The following GPHN variants were observed in gnomAD, a reference collection of about 807,000 sequenced individuals.
GPHN encodes gephyrin.
A neutral mutation model predicts 95.5 loss-of-function variants in GPHN; 17 were observed. The ratio of observed to expected loss-of-function variants is 0.18; its 90% CI spans 0.12 to 0.27. GPHN has a LOEUF of 0.27. Ranked by LOEUF, GPHN falls within the 10% of genes least tolerant of loss-of-function variation. The pLI is 1.00. For missense variants in GPHN, 660 were observed against 978.1 expected, an observed-to-expected ratio of 0.67 and a Z score of 4.34; for synonymous variants, 320 against 322.5, an observed-to-expected ratio of 0.99 and a Z score of 0.08.
the GPHN span, chr14:67,303,481 T>C: frequency 6.8e-7 from 1 of 1,474,048 alleles, no homozygotes; most frequent in Admixed American, 1.7e-5. Flanking sequence ...ATGATTTTCA[T>C]AAATGCAAAT....
chr14:66,951,604 C>G (rs999408235), intron 8 of GPHN, among the ~76,000 whole-genome samples: 1 of 149,868 alleles, frequency 6.7e-6, no homozygotes, highest in African/African-American at 2.4e-5. Flanking sequence ...AAAAAAACAA[C>G]CAAAATAGTG....
At chr14:67,667,011 T>C in the GPHN span, among the ~76,000 whole-genome samples, 2 of 152,080 alleles carry the variant, frequency 1.3e-5, no homozygotes, top group Admixed American at 6.6e-5. Context: ...ATGGGCACCA[T>C]GAACAAGAAT....
At chr14:67,484,736 C>T in the GPHN span, among the ~76,000 whole-genome samples, 2 of 151,662 alleles carry the variant, frequency 1.3e-5, no homozygotes, top group African/African-American at 4.8e-5. Flanking sequence ...CCAGCCTGGG[C>T]AACATAGTGA....
At position 67,070,715 on chromosome 14, in the gene GPHN, A is replaced by AATATATATATATAT. The variant is rs1555482658; in HGVS notation, c.1144+11930_1144+11943dup. The stretch of plus-strand genomic sequence containing the variant: ...ATCTCAAAAAAAAAAAAAAAAAAAA[A>AATATATATATATAT]ATATATATATATATCCAATCAGCAT... On this transcript the variant is annotated intron_variant, in intron 11 of 22. Transcript: ENST00000478722. Among the ~76,000 whole-genome samples the AATATATATATATAT allele has an allele frequency of 3.6e-3, 291 of 80,334 alleles. 2 individuals carry two copies. The highest frequency in any genetic ancestry group is 0.014 in the African/African-American group (109 of 7,832). The allele number at this position is 80,334 out of a possible 152,430, so 52.7% of individuals were successfully genotyped here.
chr14:67,457,655 T>C, the GPHN span, among the ~76,000 whole-genome samples: 1 of 152,192 alleles, frequency 6.6e-6, no homozygotes, highest in Admixed American at 6.5e-5. Flanking sequence ...CCACAGACTT[T>C]GGAAAGCAGC....
chr14:67,692,641 T>C, the GPHN span: 2 of 1,509,982 alleles, frequency 1.3e-6, no homozygotes, highest in East Asian at 2.3e-5. Flanking sequence ...GTTTTTGAGC[T>C]GGCATTATAA....
At chr14:66,774,661 A>G (rs2059316686) in intron 2 of GPHN, among the ~76,000 whole-genome samples, 1 of 152,172 alleles carries the variant, frequency 6.6e-6, no homozygotes, top group Non-Finnish European at 1.5e-5. Flanking sequence ...GGAACTTTCA[A>G]AGTAATTGAA....
the GPHN span, among the ~76,000 whole-genome samples, chr14:67,424,153 T>A: frequency 6.6e-6 from 1 of 151,884 alleles, no homozygotes; most frequent in African/African-American, 2.4e-5. Flanking sequence ...GGCAGGAGAA[T>A]CACTTGAACC....
chr14:66,631,952 A>G (rs1184655733), intron 1 of GPHN, among the ~76,000 whole-genome samples: 1 of 152,010 alleles, frequency 6.6e-6, no homozygotes, highest in African/African-American at 2.4e-5. Context: ...TGAACTCTTT[A>G]TTATCCTTCT....
At chr14:67,013,535 G>A (rs1435943376) in intron 9 of GPHN, among the ~76,000 whole-genome samples, 1 of 152,046 alleles carries the variant, frequency 6.6e-6, no homozygotes, top group Non-Finnish European at 1.5e-5. Context: ...GCCATACATA[G>A]CTGTAATACT....
intron 1 of GPHN, among the ~76,000 whole-genome samples, chr14:66,615,934 A>G (rs1405554562): frequency 6.6e-6 from 1 of 152,078 alleles, no homozygotes; most frequent in Non-Finnish European, 1.5e-5. Context: ...AGTTTTCTGC[A>G]TATGGCTAGC....
At chr14:67,184,778 A>T (rs1034034792), downstream of GPHN, among the ~76,000 whole-genome samples, 1 of 152,198 alleles carries the variant, frequency 6.6e-6, no homozygotes, top group Non-Finnish European at 1.5e-5. Flanking sequence ...AACCATTCAC[A>T]TAAAGGTGGC....
At chr14:66,646,200 G>C (rs1368494522) in intron 1 of GPHN, among the ~76,000 whole-genome samples, 5 of 152,100 alleles carry the variant, frequency 3.3e-5, no homozygotes, top group Admixed American at 3.3e-4. Context: ...TATTTGAAAA[G>C]ATGCTCAACA....
At chr14:67,380,109 T>A in the GPHN span, among the ~76,000 whole-genome samples, 1 of 152,206 alleles carries the variant, frequency 6.6e-6, no homozygotes, top group Non-Finnish European at 1.5e-5. Context: ...TTTACAGTGC[T>A]ACTCCTCTTT....
At chr14:67,463,676 C>T in the GPHN span, among the ~76,000 whole-genome samples, 7 of 150,580 alleles carry the variant, frequency 4.6e-5, no homozygotes, top group Non-Finnish European at 1.0e-4. Context: ...ATTGCTGTGC[C>T]GAGCTAGCAT....
intron 3 of GPHN, among the ~76,000 whole-genome samples, chr14:66,808,196 G>GT (rs1300840920): frequency 6.6e-6 from 1 of 152,092 alleles, no homozygotes; most frequent in Non-Finnish European, 1.5e-5. Context: ...TGAAGTGCCT[G>GT]TTTAAGTCTT....
At chr14:67,222,282 TTTTG>T in the GPHN span, among the ~76,000 whole-genome samples, 2 of 152,114 alleles carry the variant, frequency 1.3e-5, no homozygotes, top group East Asian at 1.9e-4. Flanking sequence ...TATTTAATGT[TTTTG>T]TTTGTTTGTT....
At chr14:67,198,210 G>C in the GPHN span, 118 of 1,613,744 alleles carry the variant, frequency 7.3e-5, no homozygotes, top group Non-Finnish European at 9.8e-5. Flanking sequence ...TAAGCAAGAT[G>C]CTCTCTGCAC....
intron 1 of GPHN, among the ~76,000 whole-genome samples, chr14:66,583,153 T>C (rs934047815): frequency 5.6e-4 from 85 of 152,168 alleles, no homozygotes; most frequent in African/African-American, 2.0e-3. Flanking sequence ...GAGCATTTTT[T>C]CATGTGTTTT....
Sources: gnomAD v4.1 joint callset for allele counts (sites outside exome capture counted in the v4.1 genomes callset) on GRCh38, gnomAD v4.1.1 for gene constraint, MANE v1.5 for transcripts, NCBI Gene and HGNC (gene_info 2026-07-23, HGNC 2026-07-21) for gene names.